SCHIP1: variants seen among roughly 807,000 people sequenced by gnomAD.
SCHIP1 encodes schwannomin interacting protein 1, also known as schwannomin-interacting protein 1.
Under a neutral mutation model 29.7 loss-of-function variants are expected in SCHIP1, and 8 were observed. The observed-to-expected ratio is 0.27, with a 90% CI of 0.16 to 0.49. The LOEUF is 0.49. Ranked by LOEUF, SCHIP1 falls within the 20% of genes least tolerant of loss-of-function variation. The probability of loss-of-function intolerance (pLI) is 0.99; values close to 1 mark genes in which losing one functional copy is unlikely to be tolerated. For missense variants in SCHIP1, 193 were observed against 294.6 expected, an observed-to-expected ratio of 0.66 and a Z score of 2.52; for synonymous variants, 76 against 94.9, an observed-to-expected ratio of 0.80 and a Z score of 1.16.
the SCHIP1 span, among the ~76,000 whole-genome samples, chr3:159,693,808 T>C: frequency 6.6e-6 from 1 of 152,212 alleles, no homozygotes; most frequent in Non-Finnish European, 1.5e-5. Flanking sequence ...TATAGAGCCT[T>C]CTTAATTTTT....
At chr3:159,777,989 ATT>A in the SCHIP1 span, among the ~76,000 whole-genome samples, 1 of 147,112 alleles carries the variant, frequency 6.8e-6, no homozygotes. Context: ...AACAGGAAAC[ATT>A]TTTTTTTTTT....
the SCHIP1 span, among the ~76,000 whole-genome samples, chr3:159,608,868 G>A: frequency 6.6e-6 from 1 of 152,142 alleles, no homozygotes; most frequent in African/African-American, 2.4e-5. Context: ...AAGTCTCCTT[G>A]TTTCTTCTGC....
At chr3:159,742,623 A>G in the SCHIP1 span, among the ~76,000 whole-genome samples, 1 of 152,022 alleles carries the variant, frequency 6.6e-6, no homozygotes, top group African/African-American at 2.4e-5. Flanking sequence ...GGTTAATGGC[A>G]ATAATAAACC....
At chr3:159,880,287 C>T (rs1488529232) in intron 2 of SCHIP1, among the ~76,000 whole-genome samples, 1 of 152,210 alleles carries the variant, frequency 6.6e-6, no homozygotes, top group African/African-American at 2.4e-5. Context: ...TCCGCCCAAC[C>T]TCAGTTCACC....
the SCHIP1 span, among the ~76,000 whole-genome samples, chr3:159,492,347 CTT>C: frequency 4.6e-5 from 7 of 152,218 alleles, no homozygotes; most frequent in Non-Finnish European, 1.0e-4. Flanking sequence ...AAGTTAAAAA[CTT>C]TGAAAAAAGA....
the SCHIP1 span, among the ~76,000 whole-genome samples, chr3:159,605,529 A>C: frequency 6.6e-6 from 1 of 152,170 alleles, no homozygotes; most frequent in Non-Finnish European, 1.5e-5. Flanking sequence ...GGACTTAGGC[A>C]AGGTCACCCA....
chr3:159,811,967 TGTTTTTG>T, the SCHIP1 span, among the ~76,000 whole-genome samples: 1 of 84,874 alleles, frequency 1.2e-5, no homozygotes, highest in Admixed American at 1.0e-4. Context: ...TAGTTTTTTT[TGTTTTTG>T]TTTTTGTTTT....
At chr3:159,874,864 C>T (rs1715625975) in intron 2 of SCHIP1, among the ~76,000 whole-genome samples, 1 of 152,094 alleles carries the variant, frequency 6.6e-6, no homozygotes, top group South Asian at 2.1e-4. Flanking sequence ...TAACATGCAA[C>T]ATATCTTTAA....
intron 2 of SCHIP1, among the ~76,000 whole-genome samples, chr3:159,874,007 A>T (rs1410458142): frequency 6.6e-6 from 1 of 152,236 alleles, no homozygotes; most frequent in East Asian, 1.9e-4. Flanking sequence ...AAACAGGCTT[A>T]GCTGCTGTGG....
the SCHIP1 span, among the ~76,000 whole-genome samples, chr3:159,565,295 A>G: frequency 6.6e-6 from 1 of 152,220 alleles, no homozygotes; most frequent in Non-Finnish European, 1.5e-5. Flanking sequence ...TGATGTGCTC[A>G]TAATCAGCCA....
chr3:159,334,748 G>A, the SCHIP1 span, among the ~76,000 whole-genome samples: 13,860 of 152,024 alleles, frequency 0.091, 845 homozygotes, highest in Non-Finnish European at 0.13. Context: ...GTATTCCATC[G>A]TATGGTTGTA....
chr3:159,357,399 G>T, the SCHIP1 span, among the ~76,000 whole-genome samples: 1 of 152,084 alleles, frequency 6.6e-6, no homozygotes, highest in South Asian at 2.1e-4. Context: ...AATGAGCTTG[G>T]CACAAAATCA....
chr3:159,753,958 A>C, the SCHIP1 span, among the ~76,000 whole-genome samples: 1 of 152,098 alleles, frequency 6.6e-6, no homozygotes, highest in African/African-American at 2.4e-5. Context: ...CACTAACCAC[A>C]TGCTCTCTTA....
At chr3:159,625,395 A>G in the SCHIP1 span, among the ~76,000 whole-genome samples, 1 of 152,168 alleles carries the variant, frequency 6.6e-6, no homozygotes, top group South Asian at 2.1e-4. Context: ...AGTCACCCTT[A>G]TTAACCAGGA....
At chr3:159,892,541 C>T in intron 6 of SCHIP1, 1 of 483,516 alleles carries the variant, frequency 2.1e-6, no homozygotes, top group East Asian at 3.4e-5. Flanking sequence ...CCAGCACAAG[C>T]AGCCATGTGA....
chr3:159,536,632 G>A, the SCHIP1 span, among the ~76,000 whole-genome samples: 1 of 152,126 alleles, frequency 6.6e-6, no homozygotes, highest in African/African-American at 2.4e-5. Flanking sequence ...AAGGAGAAGG[G>A]AAAGCAGAAT....
chr3:159,294,634 A>G, the SCHIP1 span, among the ~76,000 whole-genome samples: 4 of 152,362 alleles, frequency 2.6e-5, no homozygotes, highest in African/African-American at 9.6e-5. Context: ...AAGTGTATTT[A>G]CAGTTACTTT....
the SCHIP1 span, among the ~76,000 whole-genome samples, chr3:159,661,899 T>A: frequency 6.6e-6 from 1 of 152,212 alleles, no homozygotes; most frequent in Non-Finnish European, 1.5e-5. Context: ...CTTCGAAGAA[T>A]CAGTATGTCA....
chr3:159,614,771 T>C, the SCHIP1 span, among the ~76,000 whole-genome samples: 1 of 152,248 alleles, frequency 6.6e-6, no homozygotes, highest in African/African-American at 2.4e-5. Flanking sequence ...TGGAAAACTA[T>C]GCACTTGATC....
Sources: allele counts gnomAD v4.1 joint callset (sites outside exome capture counted in the v4.1 genomes callset), GRCh38; gene constraint gnomAD v4.1.1; transcripts MANE v1.5; gene names NCBI Gene and HGNC (gene_info 2026-07-23, HGNC 2026-07-21).